Variants in C18orf54 observed in about 807,000 individuals in gnomAD.
C18orf54 encodes lung adenoma susceptibility protein 2.
C18orf54 carries 49 observed loss-of-function variants against 49.3 expected under a neutral mutation model. The ratio of observed to expected loss-of-function variants is 0.99; its 90% CI spans 0.79 to 1.26. The LOEUF is 1.26. C18orf54 is among the 50% of genes most tolerant of loss of function. The probability of loss-of-function intolerance (pLI) is 0.00; values close to 1 mark genes in which losing one functional copy is unlikely to be tolerated. For synonymous variants in C18orf54, 211 were observed against 216.6 expected (o/e 0.97, Z 0.23); for missense variants, 687 against 620.6 (o/e 1.11, Z -1.14).
chr18:54,364,483 T>C (rs1317824870), intron 5 of C18orf54, among the ~76,000 whole-genome samples: 1 of 152,090 alleles, frequency 6.6e-6, no homozygotes, highest in East Asian at 1.9e-4. Flanking sequence ...TAGATAAAAC[T>C]AAGGGTGAAT....
Position 54,362,936 on chromosome 18 carries a change from A to T in C18orf54, c.1223+15A>T. 1 of 1,578,600 alleles carries T rather than the reference A, an allele frequency of 6.3e-7. No homozygotes were observed. Among genetic ancestry groups the T allele is most frequent in the Non-Finnish European group, 8.6e-7 (1 of 1,169,292 alleles). On this transcript the variant is annotated intron_variant, in intron 5 of 8. Transcript: ENST00000620105. ...CCTGTTACTTTGTAAGTAAGTGGCA[A>T]TGGAAAAACTGTTTAGTTTTCCAAA...
At position 54,378,964 on chromosome 18, in the gene C18orf54, A is replaced by G. The variant is rs1203064925; in HGVS notation, c.*718A>G. ...ATATTTAAGAATTTAATATTTTGATATTAGATTGTTTCCCAGATTTTAATT... is the reference window on the plus strand; with the variant it reads ...ATATTTAAGAATTTAATATTTTGATGTTAGATTGTTTCCCAGATTTTAATT... On this transcript the variant is annotated 3_prime_UTR_variant, in exon 9 of 9. Transcript: ENST00000620105. 6.6e-6 allele frequency: 1 copy of G among 152,106 alleles called. No homozygotes were observed. The highest frequency in any genetic ancestry group is 1.5e-5 in the Non-Finnish European group (1 of 67,956). The allele number at this position is 152,106 out of a possible 1,614,324, so 9.4% of individuals were successfully genotyped here.
intron 2 of C18orf54, 81 bp downstream of exon 2, chr18:54,358,951 C>G (rs1787837): frequency 6.6e-6 from 1 of 152,124 alleles, no homozygotes; most frequent in Non-Finnish European, 1.5e-5. Flanking sequence ...GGGTGGGTCC[C>G]TACCCACTTT....
At chr18:54,377,262 C>G (rs2089591515) in intron 8 of C18orf54, among the ~76,000 whole-genome samples, 1 of 152,210 alleles carries the variant, frequency 6.6e-6, no homozygotes, top group Middle Eastern at 3.4e-3. Flanking sequence ...GTCTCGAACT[C>G]CTGACCTCAG....
At chr18:54,360,281 A>C (rs1267565788) in intron 2 of C18orf54, among the ~76,000 whole-genome samples, 1 of 152,194 alleles carries the variant, frequency 6.6e-6, no homozygotes, top group Non-Finnish European at 1.5e-5. Flanking sequence ...GTATATTCTC[A>C]GATAATTTTT....
rs2089301109 is a variant in C18orf54, at chr18:54,362,901, G to C, written c.1203G>C (p.Trp401Cys). 1 of 1,597,770 alleles carries C rather than the reference G, an allele frequency of 6.3e-7. No homozygotes were observed. The highest frequency in any genetic ancestry group is 8.5e-7 in the Non-Finnish European group (1 of 1,176,432). The change falls in exon 5 of 9, where the codon TGG (tryptophan) becomes TGC (cysteine). Residue 401 changes from tryptophan (W) to cysteine (C), a missense_variant. Trp to Cys is a radical substitution (Grantham distance 215, BLOSUM62 -2). Coordinates refer to ENST00000620105, the MANE Select transcript of C18orf54 (RefSeq NM_001288980.2). ...ATAAACTTGAAGCAGACAGATCATG[G>C]GAAAATATTCCTGTTACTTTGTAAG... Reference protein sequence around the residue: ...SLDKLEADRSWENIPVTFKSP... With the variant: ...SLDKLEADRSCENIPVTFKSP...
rs779065945 is a variant in C18orf54, at chr18:54,362,191, AG to A, written c.835del (p.Val279PhefsTer28). On this transcript the variant is annotated frameshift_variant, in exon 4 of 9. Coordinates refer to ENST00000620105, the MANE Select transcript of C18orf54 (RefSeq NM_001288980.2). LOFTEE classifies it high-confidence loss of function. ...QDLLPDANSQRVYQIFKDDQC... is the reference protein window; with the variant it reads ...QDLLPDANSQXVYQIFKDDQC... ...CTTGCTACCTGATGCAAATAGTCAA[AG>A]GGTTTATCAGATATTTAAAGATGAT... 1 of 1,536,194 alleles carries A rather than the reference AG, an allele frequency of 6.5e-7. No individual in the cohort carries two copies. Among genetic ancestry groups the A allele is most frequent in the Non-Finnish European group, 8.7e-7 (1 of 1,146,892 alleles).
rs536394320 is a variant in C18orf54 at position 54,360,577 on chromosome 18, C to T, written c.5C>T (p.Ala2Val). The T allele has an allele frequency of 9.3e-6, 15 of 1,613,278 alleles. No individual in the cohort carries two copies. The highest frequency in any genetic ancestry group is 7.7e-5 in the South Asian group (7 of 91,034). The part of the protein sequence containing the change: M[A>V]KSKTKHRLCS... Reference sequence around the variant, plus strand: ...ACAATCCACTTTGAAGAAGCCATGGCGAAATCAAAGACAAAACATAGACTT... The same window carrying T: ...ACAATCCACTTTGAAGAAGCCATGGTGAAATCAAAGACAAAACATAGACTT... Residue 2 changes from alanine (A) to valine (V), a missense_variant, in exon 3 of 9, where the codon GCG (alanine) becomes GTG (valine). By Grantham distance (64) the Ala-to-Val change is moderately conservative (BLOSUM62 0). Coordinates refer to ENST00000620105, the MANE Select transcript of C18orf54 (RefSeq NM_001288980.2).
Position 54,362,857 on chromosome 18 carries a change from G to A in C18orf54, c.1159G>A (p.Asp387Asn). The A allele has an allele frequency of 6.2e-7, 1 of 1,612,400 alleles. No individual in the cohort carries two copies. The highest frequency in any genetic ancestry group is 8.5e-7 in the Non-Finnish European group (1 of 1,179,436). The change falls in exon 5 of 9, where the codon GAC (aspartate) becomes AAC (asparagine). Residue 387 changes from aspartate to asparagine, a missense_variant. Asp to Asn is a conservative substitution (Grantham distance 23). Transcript: ENST00000620105. ...ATTACCAAAGTCCATGAAAAAGGAT[G>A]ACAGTCCTTGCTCATTAGATAAACT... ...EELPKSMKKD[D>N]SPCSLDKLEA...
intron 8 of C18orf54, among the ~76,000 whole-genome samples, chr18:54,377,257 G>T (rs1289155776): frequency 6.6e-6 from 1 of 151,956 alleles, no homozygotes; most frequent in Non-Finnish European, 1.5e-5. Context: ...GGCTGGTCTC[G>T]AACTCCTGAC....
At chr18:54,362,663 A>G in intron 4 of C18orf54, 108 bp from the exon 5 acceptor site, 2 of 1,039,318 alleles carry the variant, frequency 1.9e-6, no homozygotes, top group Non-Finnish European at 1.4e-6. Context: ...GCTGTTATAG[A>G]TGAATGTACA....
intron 7 of C18orf54, among the ~76,000 whole-genome samples, chr18:54,373,473 G>T (rs1261751729): frequency 2.0e-5 from 3 of 151,714 alleles, no homozygotes; most frequent in African/African-American, 7.2e-5. Context: ...TCACCATGTT[G>T]TACAATAGAT....
At chr18:54,362,665 G>C in intron 4 of C18orf54, 106 bp from the exon 5 acceptor site, 1 of 1,056,282 alleles carries the variant, frequency 9.5e-7, no homozygotes, top group Non-Finnish European at 1.3e-6. Context: ...TGTTATAGAT[G>C]AATGTACATT....
chr18:54,362,495 G>C (rs370268512), intron 4 of C18orf54, 64 bp downstream of exon 4: 1 of 1,324,952 alleles, frequency 7.5e-7, no homozygotes, highest in African/African-American at 1.5e-5. Context: ...AAGAAGTGCT[G>C]TAAAGTTGAT....
At chr18:54,374,078 T>G in intron 7 of C18orf54, 136 bp from the exon 8 acceptor site, 3 of 813,300 alleles carry the variant, frequency 3.7e-6, no homozygotes, top group Non-Finnish European at 5.3e-6. Context: ...ATAAAAATAT[T>G]TAATACTCTT....
intron 8 of C18orf54, among the ~76,000 whole-genome samples, chr18:54,377,834 T>A (rs1431093932): frequency 6.6e-6 from 1 of 152,248 alleles, no homozygotes; most frequent in Non-Finnish European, 1.5e-5. Context: ...TTCACAGAGC[T>A]GTAGTGAAAA....
At position 54,358,086 on chromosome 18, in the gene C18orf54, T is replaced by G. The variant is rs2089181213; in HGVS notation, c.-144+11T>G. 1 of 152,782 alleles carries G rather than the reference T, an allele frequency of 6.5e-6. No homozygotes were observed. The highest frequency in any genetic ancestry group is 2.1e-4 in the South Asian group (1 of 4,836). The allele number at this position is 152,782 out of a possible 1,614,324, so 9.5% of individuals were successfully genotyped here. A position where few individuals can be genotyped will look rare whatever the true frequency, so the allele number is the denominator to read the frequency against. On this transcript the variant is annotated intron_variant, in intron 1 of 8. Coordinates refer to ENST00000620105, the MANE Select transcript of C18orf54 (RefSeq NM_001288980.2). ...GAGAGCTGTGGAAGTGTGCGGTTTT[T>G]GTTTTTGTTTTCCTTTATTTTTATT...
intron 2 of C18orf54, among the ~76,000 whole-genome samples, chr18:54,359,288 T>A (rs1407405848): frequency 5.9e-5 from 9 of 152,310 alleles, no homozygotes; most frequent in East Asian, 1.9e-4. Flanking sequence ...TTAAACTTCT[T>A]TAAATAAAAG....
At chr18:54,370,451 T>C (rs2089466444) in intron 6 of C18orf54, among the ~76,000 whole-genome samples, 1 of 152,176 alleles carries the variant, frequency 6.6e-6, no homozygotes, top group African/African-American at 2.4e-5. Context: ...CCTTGAACTT[T>C]TATATTCACA....
Sources: allele counts gnomAD v4.1 joint callset (sites outside exome capture counted in the v4.1 genomes callset), GRCh38; gene constraint gnomAD v4.1.1; transcripts MANE v1.5; gene names NCBI Gene and HGNC (gene_info 2026-07-23, HGNC 2026-07-21).